Variants in ANGPT2 observed in about 807,000 individuals in gnomAD.
The protein encoded by ANGPT2 is angiopoietin-2.
Under a neutral mutation model 62.9 loss-of-function variants are expected in ANGPT2, and 28 were observed. The ratio of observed to expected loss-of-function variants is 0.44; its 90% CI spans 0.33 to 0.61. The LOEUF is 0.61. Ranked by LOEUF, ANGPT2 falls within the 20% of genes least tolerant of loss-of-function variation. ANGPT2 has a pLI of 0.03. For synonymous variants in ANGPT2, 284 were observed against 207.8 expected (o/e 1.37, Z -3.15); for missense variants, 727 against 594.9 (o/e 1.22, Z -2.31).
At chr8:6,530,999 C>T in intron 2 of ANGPT2, among the ~76,000 whole-genome samples, 1 of 151,852 alleles carries the variant, frequency 6.6e-6, no homozygotes, top group East Asian at 1.9e-4. Context: ...TAAATCTGCT[C>T]TTTTTTTAAA....
intron 8 of ANGPT2, 179 bp downstream of exon 8, chr8:6,508,753 C>T: frequency 1.2e-6 from 1 of 845,310 alleles, no homozygotes; most frequent in Middle Eastern, 3.3e-4. Flanking sequence ...ATCATATTCT[C>T]ACTTAAAACT....
chr8:6,549,583 G>C (rs946116319), intron 1 of ANGPT2, among the ~76,000 whole-genome samples: 1 of 151,664 alleles, frequency 6.6e-6, no homozygotes, highest in African/African-American at 2.4e-5. Context: ...GTGCAGGGCG[G>C]GAAGCCTTCT....
chr8:6,515,567 G>A (rs777542903), intron 5 of ANGPT2, among the ~76,000 whole-genome samples: 8 of 152,094 alleles, frequency 5.3e-5, no homozygotes, highest in South Asian at 2.1e-4. Context: ...TAAGCTAAGC[G>A]CATGCATGCT....
At chr8:6,556,939 C>G (rs889032285) in intron 1 of ANGPT2, among the ~76,000 whole-genome samples, 2 of 152,198 alleles carry the variant, frequency 1.3e-5, no homozygotes, top group Non-Finnish European at 2.9e-5. Flanking sequence ...AGAACCAACA[C>G]TGCCTGGACA....
In ANGPT2 at chr8:6,503,074, G is replaced by C. The variant is rs1812515692; in HGVS notation, c.*27C>G. 1 of 1,613,548 alleles carries C rather than the reference G, an allele frequency of 6.2e-7. No homozygotes were observed. Among genetic ancestry groups the C allele is most frequent in the African/African-American group, 1.3e-5 (1 of 74,898 alleles). On this transcript the variant is annotated 3_prime_UTR_variant, in exon 9 of 9. Coordinates refer to ENST00000629816, the MANE Select transcript of ANGPT2 (RefSeq NM_001118887.2). ...GCTTAAGTCTTTGAAAATAGTTCGA[G>C]ACAGTTCCTCAGGTGGACTGGGATG... is the stretch of plus-strand genomic sequence containing the variant.
intron 1 of ANGPT2, among the ~76,000 whole-genome samples, chr8:6,557,367 G>T (rs577738856): frequency 6.6e-6 from 1 of 152,150 alleles, no homozygotes; most frequent in African/African-American, 2.4e-5. Flanking sequence ...GCAAAATGAG[G>T]TGAGGTGTGG....
chr8:6,540,393 T>C (rs1365751888), intron 1 of ANGPT2, among the ~76,000 whole-genome samples: 1 of 152,252 alleles, frequency 6.6e-6, no homozygotes, highest in Non-Finnish European at 1.5e-5. Context: ...ACTGCTGTAG[T>C]AACCTCATGT....
intron 1 of ANGPT2, among the ~76,000 whole-genome samples, chr8:6,542,493 G>A (rs2959821): frequency 0.032 from 4,908 of 152,040 alleles, 250 homozygotes; most frequent in African/African-American, 0.11. Flanking sequence ...GGACGCTAGC[G>A]CCTGGGTCAC....
rs562801126 is a variant in ANGPT2, at chr8:6,501,042, T to A, written c.*2059A>T. Reference sequence around the variant, plus strand: ...TATTTTCAGTTGTTTTTCAACTTGATACAAGGCCATGATACCGTTGTTGAA... The same window carrying A: ...TATTTTCAGTTGTTTTTCAACTTGAAACAAGGCCATGATACCGTTGTTGAA... On this transcript the variant is annotated 3_prime_UTR_variant, in exon 9 of 9. Transcript: ENST00000629816. 4.6e-5 allele frequency: 7 copies of A among 152,362 alleles called. No homozygotes were observed. The East Asian group carries it at 1.3e-3, about 29-fold the overall frequency. 9.4% of individuals were successfully genotyped at this position (152,362 alleles called of 1,614,324 possible).
At chr8:6,532,722 G>C (rs1819761406) in intron 1 of ANGPT2, among the ~76,000 whole-genome samples, 1 of 152,104 alleles carries the variant, frequency 6.6e-6, no homozygotes, top group Non-Finnish European at 1.5e-5. Context: ...AAAGGAGGGA[G>C]ACAAGCTACT....
chr8:6,506,572 CAA>C (rs749427852), intron 8 of ANGPT2, among the ~76,000 whole-genome samples: 5 of 152,170 alleles, frequency 3.3e-5, no homozygotes, highest in Non-Finnish European at 7.4e-5. Context: ...AGACAGGAAA[CAA>C]AGTCCTAGGT....
rs1296062015 is a variant in ANGPT2, at chr8:6,500,010, G to A, written c.*3091C>T. 2 of 1,218,418 alleles carry A rather than the reference G, an allele frequency of 1.6e-6. No homozygotes were observed. Among genetic ancestry groups the A allele is most frequent in the Admixed American group, 3.4e-5 (2 of 59,046 alleles). 75.5% of individuals were successfully genotyped at this position (1,218,418 alleles called of 1,614,324 possible). A position where few individuals can be genotyped will look rare whatever the true frequency, so the allele number is the denominator to read the frequency against. The stretch of plus-strand genomic sequence containing the variant: ...ATTATAAACATAAGGGTGGACTTAA[G>A]TTTTTATCCAGTCAAGCACAATTAT... On this transcript the variant is annotated 3_prime_UTR_variant, in exon 9 of 9. Coordinates refer to ENST00000629816, the MANE Select transcript of ANGPT2 (RefSeq NM_001118887.2).
chr8:6,518,163 G>A (rs867168535), intron 5 of ANGPT2, among the ~76,000 whole-genome samples: 1 of 152,176 alleles, frequency 6.6e-6, no homozygotes, highest in South Asian at 2.1e-4. Flanking sequence ...TGATGGGGCT[G>A]CATGGTTAGC....
intron 3 of ANGPT2, among the ~76,000 whole-genome samples, chr8:6,525,056 T>G (rs531491480): frequency 3.6e-4 from 55 of 152,368 alleles, no homozygotes; most frequent in African/African-American, 1.3e-3. Flanking sequence ...CGGGCCCCTT[T>G]TAGTTCGAAT....
intron 1 of ANGPT2, among the ~76,000 whole-genome samples, chr8:6,549,233 A>G (rs897120122): frequency 6.6e-6 from 1 of 152,268 alleles, no homozygotes; most frequent in Non-Finnish European, 1.5e-5. Flanking sequence ...CAGCAGTACC[A>G]TGGGTACGTA....
In ANGPT2 at chr8:6,549,332, A is replaced by G. The variant is rs761376200; in HGVS notation, c.288+13315T>C. Among the ~76,000 whole-genome samples the G allele has an allele frequency of 1.7e-3, 260 of 152,256 alleles. 2 individuals carry two copies. Among genetic ancestry groups the G allele is most frequent in the Admixed American group, 7.8e-4 (12 of 15,290 alleles). On this transcript the variant is annotated intron_variant, in intron 1 of 8. Transcript: ENST00000629816. Reference sequence around the variant, plus strand: ...AACATGGATCCATCACAGAAATAATAAAAGAGACCAAAAAGGAGTATGTAC... The same window carrying G: ...AACATGGATCCATCACAGAAATAATGAAAGAGACCAAAAAGGAGTATGTAC...
chr8:6,517,024 G>T (rs879323054), intron 5 of ANGPT2, among the ~76,000 whole-genome samples: 1 of 152,142 alleles, frequency 6.6e-6, no homozygotes, highest in Non-Finnish European at 1.5e-5. Context: ...AAGAACAGAG[G>T]ATTTGTAAAA....
chr8:6,521,227 A>G lies in ANGPT2; in HGVS notation c.750T>C (p.Asp250=), dbSNP rs1474663482. The change falls in exon 4 of 9, where the codon GAT becomes GAC. Residue 250 remains aspartate (D), a synonymous_variant. Coordinates refer to ENST00000629816, the MANE Select transcript of ANGPT2 (RefSeq NM_001118887.2). The part of the protein sequence containing the change: ...NNSVLQKQQH[D]LMETVNNLLT... ...GTAAGTTATTAACTGTCTCCATGAGATCATGTTGCTGCTTCTGAAGAACTG... is the reference window on the plus strand; with the variant it reads ...GTAAGTTATTAACTGTCTCCATGAGGTCATGTTGCTGCTTCTGAAGAACTG... 1 of 1,613,820 alleles carries G rather than the reference A, an allele frequency of 6.2e-7. No homozygotes were observed. The highest frequency in any genetic ancestry group is 1.3e-5 in the African/African-American group (1 of 74,916).
rs1452115329 is a variant in ANGPT2 at position 6,526,825 on chromosome 8, C to G, written c.566+730G>C. On this transcript the variant is annotated intron_variant, in intron 3 of 8. Transcript: ENST00000629816. ...CACCAGGTATGTGCATAAAATTATC[C>G]TCTTTTGTCCCAAGTGGAACAGACA... 3.9e-5 allele frequency among the ~76,000 whole-genome samples: 6 copies of G among 152,272 alleles called. 1 individual carries two copies. The South Asian group carries it at 6.2e-4, about 16-fold the overall frequency.
Sources: gnomAD v4.1 joint callset for allele counts (sites outside exome capture counted in the v4.1 genomes callset) on GRCh38, gnomAD v4.1.1 for gene constraint, MANE v1.5 for transcripts, NCBI Gene and HGNC (gene_info 2026-07-23, HGNC 2026-07-21) for gene names.